Variants in CAP2 observed in about 807,000 individuals in gnomAD.
CAP2 encodes cyclase associated actin cytoskeleton regulatory protein 2, also known as adenylyl cyclase-associated protein 2.
Under a neutral mutation model 57.7 loss-of-function variants are expected in CAP2, and 24 were observed. The ratio of observed to expected loss-of-function variants is 0.42; its 90% confidence interval spans 0.30 to 0.58. The LOEUF (loss-of-function observed/expected upper bound fraction) is 0.58, where lower values mean the gene tolerates loss of function less well. CAP2 is among the 20% of genes least tolerant of loss of function. CAP2 has a pLI of 0.22. For missense variants in CAP2, 501 were observed against 590.3 expected, an observed-to-expected ratio of 0.85 and a Z score of 1.57; for synonymous variants, 194 against 207.2, an observed-to-expected ratio of 0.94 and a Z score of 0.55.
intron 7 of CAP2, among the ~76,000 whole-genome samples, chr6:17,515,373 G>A (rs1204591241): frequency 2.0e-5 from 3 of 152,100 alleles, no homozygotes; most frequent in African/African-American, 2.4e-5. Flanking sequence ...TGCCAATACC[G>A]TGTGTTCCCA....
chr6:17,487,720 C>T (rs1761453103), intron 4 of CAP2, among the ~76,000 whole-genome samples: 1 of 152,194 alleles, frequency 6.6e-6, no homozygotes, highest in Non-Finnish European at 1.5e-5. Context: ...ATCCACCCAC[C>T]TTGGCCTCCC....
chr6:17,551,190 T>C (rs994293327), intron 11 of CAP2, among the ~76,000 whole-genome samples: 3 of 152,230 alleles, frequency 2.0e-5, no homozygotes, highest in Admixed American at 6.5e-5. Flanking sequence ...ATCTAGCTGC[T>C]GTTTCCAAAT....
At chr6:17,419,587 A>T (rs1196951345) in intron 1 of CAP2, among the ~76,000 whole-genome samples, 1 of 152,204 alleles carries the variant, frequency 6.6e-6, no homozygotes, top group African/African-American at 2.4e-5. Context: ...AGGGCCAATA[A>T]TCTTAATATA....
intron 11 of CAP2, among the ~76,000 whole-genome samples, chr6:17,547,976 A>C (rs1346013461): frequency 6.6e-6 from 1 of 152,148 alleles, no homozygotes; most frequent in African/African-American, 2.4e-5. Context: ...GAGATTCAAG[A>C]AACTATAAAA....
intron 3 of CAP2, among the ~76,000 whole-genome samples, chr6:17,431,315 A>T (rs940513045): frequency 6.6e-6 from 1 of 152,214 alleles, no homozygotes; most frequent in Non-Finnish European, 1.5e-5. Flanking sequence ...AAGTTTAAAA[A>T]AAGATATCGT....
chr6:17,515,971 ATGT>A lies in CAP2; in HGVS notation c.636+2022_636+2024del, dbSNP rs139947445. On this transcript the variant is annotated intron_variant, in intron 7 of 12. Transcript: ENST00000229922. ...GCTTGGATTGCACCAAATGAAATTG[ATGT>A]TGTTTCAAAATTTACCGAACTCATA... is the stretch of plus-strand genomic sequence containing the variant. Among the ~76,000 whole-genome samples the A allele has an allele frequency of 6.8e-3, 1,035 of 152,302 alleles. 5 individuals are homozygous for A. Among genetic ancestry groups the A allele is most frequent in the Non-Finnish European group, 0.012 (787 of 68,024 alleles).
At chr6:17,442,510 G>GA (rs1760113481) in intron 3 of CAP2, among the ~76,000 whole-genome samples, 1 of 152,132 alleles carries the variant, frequency 6.6e-6, no homozygotes, top group Admixed American at 6.5e-5. Context: ...TTGCATCTGG[G>GA]AAAAAACTGA....
intron 4 of CAP2, among the ~76,000 whole-genome samples, chr6:17,489,627 A>G (rs1253354121): frequency 6.6e-6 from 1 of 152,038 alleles, no homozygotes; most frequent in Non-Finnish European, 1.5e-5. Context: ...TTAAGTTGCT[A>G]CTACACTCTT....
chr6:17,400,901 A>T (rs939442881), intron 1 of CAP2, among the ~76,000 whole-genome samples: 3 of 152,150 alleles, frequency 2.0e-5, no homozygotes, highest in Non-Finnish European at 4.4e-5. Context: ...ATTCTTATGA[A>T]AATGAATTAT....
chr6:17,470,068 G>T (rs1196393996), intron 4 of CAP2, among the ~76,000 whole-genome samples: 3 of 152,046 alleles, frequency 2.0e-5, no homozygotes, highest in Non-Finnish European at 4.4e-5. Context: ...TTTGGACTTG[G>T]GCCTACTTGG....
At chr6:17,496,187 A>G (rs994871648) in intron 4 of CAP2, among the ~76,000 whole-genome samples, 8 of 152,170 alleles carry the variant, frequency 5.3e-5, no homozygotes, top group Non-Finnish European at 7.3e-5. Flanking sequence ...AAGCTACCCC[A>G]CAGGCCTCTT....
intron 11 of CAP2, among the ~76,000 whole-genome samples, chr6:17,543,756 T>C (rs1289611817): frequency 6.6e-6 from 1 of 152,096 alleles, no homozygotes; most frequent in East Asian, 1.9e-4. Flanking sequence ...TTCTCAGTGT[T>C]AGTTCTTTCT....
chr6:17,438,970 G>A (rs1325774102), intron 3 of CAP2, among the ~76,000 whole-genome samples: 1 of 150,466 alleles, frequency 6.6e-6, no homozygotes, highest in Non-Finnish European at 1.5e-5. Flanking sequence ...AATTAGCCGG[G>A]CGTGGTAGTG....
chr6:17,409,025 T>C (rs111425352), intron 1 of CAP2, among the ~76,000 whole-genome samples: 15,593 of 151,318 alleles, frequency 0.1, 2,677 homozygotes, highest in African/African-American at 0.36. Flanking sequence ...TCCCCCTGCT[T>C]GCAGTCTGCG....
rs368799571 is a variant in CAP2, at chr6:17,397,469, C to T, written c.-2+3723C>T. Among the ~76,000 whole-genome samples, 13 of 151,764 alleles carry T rather than the reference C, an allele frequency of 8.6e-5. No individual in the cohort carries two copies. In the East Asian group the frequency reaches 1.6e-3, roughly 19 times the overall value. Reference sequence around the variant, plus strand: ...CAACATTTTGGGAGGCCGAGGCGGGCGCATCACGAGGTCAGGAGATCGAGA... The same window carrying T: ...CAACATTTTGGGAGGCCGAGGCGGGTGCATCACGAGGTCAGGAGATCGAGA... On this transcript the variant is annotated intron_variant, in intron 1 of 12. Transcript: ENST00000229922.
chr6:17,398,966 C>T (rs937425775), intron 1 of CAP2, among the ~76,000 whole-genome samples: 3 of 152,204 alleles, frequency 2.0e-5, no homozygotes, highest in Non-Finnish European at 4.4e-5. Context: ...ACTCTGGATT[C>T]TCCTCTTCCA....
At chr6:17,477,163 C>T (rs762577662) in intron 4 of CAP2, among the ~76,000 whole-genome samples, 8 of 152,112 alleles carry the variant, frequency 5.3e-5, no homozygotes, top group Non-Finnish European at 7.4e-5. Flanking sequence ...CGTGAGCCAC[C>T]GTGCCCGGCC....
At chr6:17,509,674 C>CA (rs930261803) in intron 6 of CAP2, among the ~76,000 whole-genome samples, 20 of 144,300 alleles carry the variant, frequency 1.4e-4, no homozygotes, top group East Asian at 4.0e-4. Context: ...GACTCCATCT[C>CA]AAAAAAAAAA....
chr6:17,411,552 G>T (rs569027325), intron 1 of CAP2, among the ~76,000 whole-genome samples: 3 of 152,330 alleles, frequency 2.0e-5, no homozygotes, highest in South Asian at 2.1e-4. Context: ...CTGATGTTGA[G>T]CCCTTTCACA....
Sources: gnomAD v4.1 joint callset for allele counts (sites outside exome capture counted in the v4.1 genomes callset) on GRCh38, gnomAD v4.1.1 for gene constraint, MANE v1.5 for transcripts, NCBI Gene and HGNC (gene_info 2026-07-23, HGNC 2026-07-21) for gene names.